KIF1B: variants seen among roughly 807,000 people sequenced by gnomAD.
KIF1B encodes the protein kinesin family member 1B.
KIF1B carries 76 observed loss-of-function variants against 241.9 expected under a neutral mutation model. The observed-to-expected ratio is 0.31, with a 90% CI of 0.26 to 0.38. The LOEUF (loss-of-function observed/expected upper bound fraction) is 0.38. Ranked by LOEUF, KIF1B falls within the 10% of genes least tolerant of loss-of-function variation. The pLI, the probability that KIF1B is intolerant of heterozygous loss-of-function variation, is 1.00. For synonymous variants in KIF1B, 750 were observed against 796.7 expected, an observed-to-expected ratio of 0.94 and a Z score of 0.99; for missense variants, 1,622 against 2,271.4, an observed-to-expected ratio of 0.71 and a Z score of 5.81.
At chr1:10,212,402 A>G (rs1465769598) in intron 1 of KIF1B, among the ~76,000 whole-genome samples, 1 of 152,210 alleles carries the variant, frequency 6.6e-6, no homozygotes, top group African/African-American at 2.4e-5. Context: ...TTGGTATTGT[A>G]AAGCAGGTCT....
rs1652843654 is a variant in KIF1B, at chr1:10,352,754, G to A, written c.4055+18G>A. ...TCTAGCAGGTGGGACACCCAGAGCA[G>A]TGTGAAGAAGTCCACACTTGCAGGC... On this transcript the variant is annotated intron_variant, in intron 38 of 48. Transcript: ENST00000676179. The A allele has an allele frequency of 1.9e-6, 3 of 1,573,272 alleles. No homozygotes were observed. Among genetic ancestry groups the A allele is most frequent in the South Asian group, 2.2e-5 (2 of 90,264 alleles).
intron 2 of KIF1B, among the ~76,000 whole-genome samples, chr1:10,235,966 T>G (rs1213172818): frequency 6.6e-6 from 1 of 151,380 alleles, no homozygotes; most frequent in Non-Finnish European, 1.5e-5. Context: ...GATGTAAGAT[T>G]TAAACTAAAC....
At chr1:10,256,123 T>G (rs959077206) in intron 2 of KIF1B, 124 bp from the exon 3 acceptor site, 3 of 701,556 alleles carry the variant, frequency 4.3e-6, no homozygotes, top group Middle Eastern at 3.6e-4. Context: ...AATTTTTGAT[T>G]GCCCTATTCA....
At chr1:10,235,036 C>T (rs1474151175) in intron 2 of KIF1B, among the ~76,000 whole-genome samples, 1 of 151,742 alleles carries the variant, frequency 6.6e-6, no homozygotes, top group African/African-American at 2.4e-5. Flanking sequence ...ACTACAGGCA[C>T]CTGTCACCAC....
intron 1 of KIF1B, among the ~76,000 whole-genome samples, chr1:10,222,821 A>G (rs1005249234): frequency 1.3e-5 from 2 of 152,232 alleles, no homozygotes; most frequent in African/African-American, 2.4e-5. Flanking sequence ...TCAGAAGAAC[A>G]GTTTAGAACT....
intron 15 of KIF1B, among the ~76,000 whole-genome samples, chr1:10,284,372 A>AC (rs1649583872): frequency 6.6e-6 from 1 of 151,952 alleles, no homozygotes; most frequent in Non-Finnish European, 1.5e-5. Flanking sequence ...CAACAGTGAA[A>AC]CCCCATCTCT....
intron 38 of KIF1B, among the ~76,000 whole-genome samples, chr1:10,356,954 A>C (rs1638268277): frequency 6.6e-6 from 1 of 152,130 alleles, no homozygotes; most frequent in Admixed American, 6.6e-5. Context: ...ATCATAGCTC[A>C]CTGCAACCTT....
At chr1:10,315,318 C>T (rs1651257769) in intron 22 of KIF1B, among the ~76,000 whole-genome samples, 1 of 150,824 alleles carries the variant, frequency 6.6e-6, no homozygotes, top group African/African-American at 2.5e-5. Flanking sequence ...GCTGGGACTA[C>T]AGGCACCTGC....
Position 10,375,471 on chromosome 1 carries a change from G to A in KIF1B, c.5408+98G>A, listed in dbSNP as rs796873339. On this transcript the variant is annotated intron_variant, in intron 48 of 48. Coordinates refer to ENST00000676179, the MANE Select transcript of KIF1B (RefSeq NM_001365951.3). Reference sequence around the variant, plus strand: ...TTGGTCTTGGCTCACTGCAACCTCCGCCCCCTGGTTCAAGCGATTCTCCTG... The same window carrying A: ...TTGGTCTTGGCTCACTGCAACCTCCACCCCCTGGTTCAAGCGATTCTCCTG... 11 of 946,952 alleles carry A rather than the reference G, an allele frequency of 1.2e-5. No individual in the cohort carries two copies. The African/African-American group carries it at 1.5e-4, about 12-fold the overall frequency. The allele number at this position is 946,952 out of a possible 1,614,324, so 58.7% of individuals were successfully genotyped here. A position where few individuals can be genotyped will look rare whatever the true frequency, so the allele number is the denominator to read the frequency against.
chr1:10,221,918 C>T (rs1372282841), intron 1 of KIF1B, among the ~76,000 whole-genome samples: 3 of 152,084 alleles, frequency 2.0e-5, no homozygotes, highest in South Asian at 4.1e-4. Flanking sequence ...CAGGTTCAAG[C>T]GATTCTCATG....
intron 15 of KIF1B, among the ~76,000 whole-genome samples, chr1:10,285,383 TAACCA>T (rs1418497197): frequency 6.6e-6 from 1 of 152,186 alleles, no homozygotes; most frequent in East Asian, 1.9e-4. Context: ...GTCAAGACAT[TAACCA>T]GACTCTTCAA....
intron 15 of KIF1B, among the ~76,000 whole-genome samples, chr1:10,284,856 C>T (rs1649610771): frequency 6.7e-6 from 1 of 150,170 alleles, no homozygotes. Context: ...AGTGAGACTC[C>T]ATCTCAAAAA....
intron 15 of KIF1B, among the ~76,000 whole-genome samples, chr1:10,286,237 G>A (rs755932021): frequency 3.3e-5 from 5 of 152,072 alleles, no homozygotes; most frequent in African/African-American, 9.7e-5. Context: ...ACGGGGTTTC[G>A]CCATGTTGGC....
intron 41 of KIF1B, among the ~76,000 whole-genome samples, 162 bp from the exon 42 acceptor site, chr1:10,364,938 G>A (rs989464347): frequency 3.3e-5 from 5 of 151,032 alleles, no homozygotes; most frequent in Non-Finnish European, 2.9e-5. Context: ...CCCAGGAGGC[G>A]GAGCTTGCAG....
intron 22 of KIF1B, among the ~76,000 whole-genome samples, chr1:10,317,346 T>C (rs762928201): frequency 2.0e-5 from 3 of 151,098 alleles, no homozygotes; most frequent in Non-Finnish European, 4.4e-5. Context: ...CCTTTTGAAA[T>C]GGCCCCAGTG....
chr1:10,356,979 A>T (rs1638269477), intron 38 of KIF1B, among the ~76,000 whole-genome samples: 1 of 152,170 alleles, frequency 6.6e-6, no homozygotes, highest in Non-Finnish European at 1.5e-5. Flanking sequence ...TCCTGGGCTC[A>T]AGCAGTCCTC....
At chr1:10,285,198 T>G (rs1362911344) in intron 15 of KIF1B, among the ~76,000 whole-genome samples, 1 of 152,232 alleles carries the variant, frequency 6.6e-6, no homozygotes, top group Non-Finnish European at 1.5e-5. Flanking sequence ...TACTGAGTCC[T>G]TAATATAAAA....
chr1:10,308,360 T>G, intron 22 of KIF1B: 2 of 1,052,056 alleles, frequency 1.9e-6, no homozygotes, highest in Non-Finnish European at 2.3e-6. Flanking sequence ...TATTCTTAGC[T>G]TGAACCACTT....
At chr1:10,232,983 A>G (rs865826222) in intron 2 of KIF1B, among the ~76,000 whole-genome samples, 2 of 152,218 alleles carry the variant, frequency 1.3e-5, no homozygotes, top group Non-Finnish European at 2.9e-5. Context: ...TTATACCTGC[A>G]TTACCAAATT....
Sources: gnomAD v4.1 joint callset for allele counts (sites outside exome capture counted in the v4.1 genomes callset) on GRCh38, gnomAD v4.1.1 for gene constraint, MANE v1.5 for transcripts, NCBI Gene and HGNC (gene_info 2026-07-23, HGNC 2026-07-21) for gene names.